TNN: variants seen among roughly 807,000 people sequenced by gnomAD.
TNN encodes tenascin N, also known as tenascin-N.
TNN carries 122 observed loss-of-function variants against 134.4 expected under a neutral mutation model. The observed-to-expected ratio is 0.91, with a 90% CI of 0.78 to 1.06. TNN has a LOEUF of 1.06. TNN is among the 50% of genes least tolerant of loss of function. The pLI is 0.00. For synonymous variants in TNN, 710 were observed against 670.3 expected (o/e 1.06, Z -0.91); for missense variants, 1,739 against 1,699.4 (o/e 1.02, Z -0.41).
rs1339200391 is a variant in TNN at position 175,077,773 on chromosome 1, ATGG to A, written c.359_361del (p.Val120del). 7 of 1,614,058 alleles carry A rather than the reference ATGG, an allele frequency of 4.3e-6. No homozygotes were observed. The highest frequency in any genetic ancestry group is 5.1e-6 in the Non-Finnish European group (6 of 1,180,034). ...CCGGGTGAAGAAGCTGGAGGAAGAG[ATGG>A]TGGAGATGAAGGAACAGTGTAGTGC... On this transcript the variant is annotated inframe_deletion, in exon 2 of 19. Coordinates refer to ENST00000239462, the MANE Select transcript of TNN (RefSeq NM_022093.2).
At chr1:175,122,611 A>T (rs1161281565) in intron 11 of TNN, among the ~76,000 whole-genome samples, 1 of 152,254 alleles carries the variant, frequency 6.6e-6, no homozygotes, top group Admixed American at 6.5e-5. Flanking sequence ...AATGGCAAGT[A>T]TGCATTAGAT....
intron 17 of TNN, among the ~76,000 whole-genome samples, chr1:175,137,329 T>C (rs113643291): frequency 1.3e-5 from 2 of 151,398 alleles, no homozygotes; most frequent in African/African-American, 4.9e-5. Context: ...TCATTCGGCT[T>C]TAGCAGTGTG....
intron 6 of TNN, 85 bp downstream of exon 6, chr1:175,085,579 A>C: frequency 1.0e-6 from 1 of 985,258 alleles, no homozygotes; most frequent in Non-Finnish European, 1.6e-6. Context: ...CTGGATAAGA[A>C]TTCTGGGATT....
chr1:175,108,722 G>A (rs12408301), intron 9 of TNN, among the ~76,000 whole-genome samples: 34,152 of 150,654 alleles, frequency 0.23, 4,053 homozygotes, highest in African/African-American at 0.3. Flanking sequence ...CTCACTGCCC[G>A]GGGCCAGCAG....
chr1:175,106,150 T>C (rs11584067), intron 9 of TNN, among the ~76,000 whole-genome samples: 37,429 of 144,452 alleles, frequency 0.26, 8,031 homozygotes, highest in African/African-American at 0.31. Context: ...TGGCCCTTAC[T>C]GACGCATTCT....
intron 8 of TNN, 47 bp from the exon 9 acceptor site, chr1:175,098,285 C>T (rs768711300): frequency 1.9e-6 from 3 of 1,613,144 alleles, no homozygotes; most frequent in South Asian, 1.1e-5. Context: ...AAGGATATGT[C>T]TTCCATGGCT....
Position 175,117,127 on chromosome 1 carries a change from G to T in TNN, c.2308G>T (p.Gly770Cys), listed in dbSNP as rs918315348. The T allele has an allele frequency of 5.0e-6, 8 of 1,614,266 alleles. No homozygotes were observed. The highest frequency in any genetic ancestry group is 1.7e-5 in the Admixed American group (1 of 60,034). The change falls in exon 10 of 19, where the codon GGT (glycine) becomes TGT (cysteine). Residue 770 changes from glycine to cysteine, a missense_variant. Transcript: ENST00000239462. ...SSTVLTGLRPGVEYTVHVWAQ... is the reference protein window; with the variant it reads ...SSTVLTGLRPCVEYTVHVWAQ... ...CACTGTCCTGACGGGCCTGAGGCCG[G>T]GTGTGGAGTACACGGTGCACGTGTG...
chr1:175,129,741 C>G (rs1675629146), intron 15 of TNN, among the ~76,000 whole-genome samples: 1 of 152,054 alleles, frequency 6.6e-6, no homozygotes, highest in South Asian at 2.1e-4. Context: ...TTTCAAAACT[C>G]CAGCCTCCTA....
At chr1:175,073,907 C>T (rs1197189011) in intron 1 of TNN, among the ~76,000 whole-genome samples, 2 of 152,168 alleles carry the variant, frequency 1.3e-5, no homozygotes, top group African/African-American at 4.8e-5. Context: ...TCCTGCTGAA[C>T]GGTGGACCTG....
intron 4 of TNN, among the ~76,000 whole-genome samples, chr1:175,082,293 A>G (rs947573441): frequency 6.6e-6 from 1 of 152,194 alleles, no homozygotes; most frequent in African/African-American, 2.4e-5. Context: ...AAATTCTGCA[A>G]GTGTGAAGTT....
At chr1:175,085,288 G>A (rs1674296510) in intron 5 of TNN, 117 bp from the exon 6 acceptor site, 8 of 678,710 alleles carry the variant, frequency 1.2e-5, no homozygotes, top group Non-Finnish European at 2.1e-5. Flanking sequence ...ATTCATCTTT[G>A]GAGGAGGAAG....
intron 6 of TNN, among the ~76,000 whole-genome samples, chr1:175,087,736 C>T (rs1674350933): frequency 6.6e-6 from 1 of 152,242 alleles, no homozygotes; most frequent in South Asian, 2.1e-4. Flanking sequence ...CCTCAGATCC[C>T]ACAAGTTAAA....
intron 7 of TNN, among the ~76,000 whole-genome samples, chr1:175,096,167 C>A (rs764428855): frequency 8.5e-5 from 13 of 152,216 alleles, no homozygotes; most frequent in Non-Finnish European, 1.8e-4. Flanking sequence ...CTACCACAGA[C>A]TAGGACAGGA....
chr1:175,076,073 G>A (rs1039080961), intron 1 of TNN, among the ~76,000 whole-genome samples: 2 of 152,302 alleles, frequency 1.3e-5, no homozygotes, highest in Non-Finnish European at 2.9e-5. Context: ...TGAGGTTCCT[G>A]TGAGCAAAAT....
chr1:175,094,860 C>T (rs1674535454), intron 7 of TNN, among the ~76,000 whole-genome samples: 2 of 152,196 alleles, frequency 1.3e-5, no homozygotes, highest in East Asian at 1.9e-4. Context: ...CAGCCTGATC[C>T]TGGTGCCCGC....
chr1:175,088,193 A>AG (rs1304664669), intron 6 of TNN, among the ~76,000 whole-genome samples: 1 of 152,096 alleles, frequency 6.6e-6, no homozygotes, highest in African/African-American at 2.4e-5. Flanking sequence ...TCCCCTTGTT[A>AG]GGGGGGTGGG....
rs922926965 is a variant in TNN, at chr1:175,102,445, G to A, written c.2119+3850G>A. The stretch of plus-strand genomic sequence containing the variant: ...GGGCTGCAGGTCCCGAGTCCTGCCC[G>A]GCGGGAAGGCAGCTAAGGCTCGGCG... On this transcript the variant is annotated intron_variant, in intron 9 of 18. Coordinates refer to ENST00000239462, the MANE Select transcript of TNN (RefSeq NM_022093.2). 1.2e-4 allele frequency among the ~76,000 whole-genome samples: 18 copies of A among 146,054 alleles called. 3 individuals are homozygous for A. Among genetic ancestry groups the A allele is most frequent in the Non-Finnish European group, 2.1e-4 (14 of 65,676 alleles).
intron 9 of TNN, among the ~76,000 whole-genome samples, chr1:175,111,046 G>A (rs909561830): frequency 6.6e-6 from 1 of 151,492 alleles, no homozygotes; most frequent in Non-Finnish European, 1.5e-5. Flanking sequence ...GGCTGGGTGC[G>A]GTAGCTCACG....
In TNN at chr1:175,136,924, C is replaced by G; in HGVS notation, c.3531C>G (p.Phe1177Leu). 1 of 1,614,214 alleles carries G rather than the reference C, an allele frequency of 6.2e-7. No individual in the cohort carries two copies. The highest frequency in any genetic ancestry group is 8.5e-7 in the Non-Finnish European group (1 of 1,180,026). The change falls in exon 17 of 19, where the codon TTC becomes TTG. Residue 1177 changes from phenylalanine to leucine, a missense_variant. By Grantham distance (22) the Phe-to-Leu change is conservative. Coordinates refer to ENST00000239462, the MANE Select transcript of TNN (RefSeq NM_022093.2). The stretch of plus-strand genomic sequence containing the variant: ...AATCTGCCTATGCTATATATGATTT[C>G]TTCCAAGTGGCCTCCAGCAAGGAGC... ...ANESAYAIYD[F>L]FQVASSKERY...
Sources: gnomAD v4.1 joint callset for allele counts (sites outside exome capture counted in the v4.1 genomes callset) on GRCh38, gnomAD v4.1.1 for gene constraint, MANE v1.5 for transcripts, NCBI Gene and HGNC (gene_info 2026-07-23, HGNC 2026-07-21) for gene names.